SGCZ: variants seen among roughly 807,000 people sequenced by gnomAD.
SGCZ encodes the protein sarcoglycan zeta.
SGCZ carries 40 observed loss-of-function variants against 41.3 expected under a neutral mutation model. That is an observed-to-expected ratio of 0.97 (90% CI 0.75 to 1.26). SGCZ has a LOEUF of 1.26. Among genes scored for constraint, SGCZ ranks in the 50% most tolerant of loss-of-function variants. The pLI is 0.00. For missense variants in SGCZ, 552 were observed against 369.8 expected (o/e 1.49, Z -4.04); for synonymous variants, 206 against 137.5 (o/e 1.50, Z -3.49).
At chr8:14,505,021 AATTT>A (rs954503923) in intron 2 of SGCZ, among the ~76,000 whole-genome samples, 21 of 152,120 alleles carry the variant, frequency 1.4e-4, no homozygotes, top group Admixed American at 3.3e-4. Context: ...CTAGATATAA[AATTT>A]ATTAAATTAT....
At chr8:15,069,974 AAAAG>A (rs1805292793) in intron 1 of SGCZ, among the ~76,000 whole-genome samples, 1 of 152,132 alleles carries the variant, frequency 6.6e-6, no homozygotes, top group Admixed American at 6.5e-5. Context: ...CTGCAAGAAA[AAAAG>A]AAAGATAAAG....
chr8:14,976,977 C>G (rs1005967889), intron 1 of SGCZ, among the ~76,000 whole-genome samples: 1 of 152,214 alleles, frequency 6.6e-6, no homozygotes, highest in Non-Finnish European at 1.5e-5. Flanking sequence ...GTTTCACTTT[C>G]TTTGTGAGAG....
chr8:15,236,015 G>C (rs1802107067), intron 1 of SGCZ, among the ~76,000 whole-genome samples: 2 of 152,158 alleles, frequency 1.3e-5, no homozygotes, highest in Admixed American at 1.3e-4. Context: ...GAAACTTCTA[G>C]CCCAGGCCAA....
intron 3 of SGCZ, among the ~76,000 whole-genome samples, 169 bp from the exon 4 acceptor site, chr8:14,237,848 C>A (rs1806825382): frequency 6.6e-6 from 1 of 152,112 alleles, no homozygotes; most frequent in Non-Finnish European, 1.5e-5. Flanking sequence ...AAACTGAGAG[C>A]CTCATAATAA....
intron 1 of SGCZ, among the ~76,000 whole-genome samples, chr8:14,663,633 T>C (rs895806865): frequency 1.3e-5 from 2 of 152,184 alleles, no homozygotes; most frequent in Non-Finnish European, 2.9e-5. Context: ...ACCTGGAACA[T>C]TGTATTTGCT....
intron 5 of SGCZ, among the ~76,000 whole-genome samples, 153 bp from the exon 6 acceptor site, chr8:14,108,388 C>T (rs1802273224): frequency 6.6e-6 from 1 of 152,164 alleles, no homozygotes; most frequent in Admixed American, 6.5e-5. Context: ...CTGATAAAGA[C>T]ATATCCGAGA....
chr8:14,510,458 G>T (rs147685882), intron 2 of SGCZ, among the ~76,000 whole-genome samples: 213 of 151,522 alleles, frequency 1.4e-3, no homozygotes, highest in African/African-American at 4.3e-3. Flanking sequence ...AAAAAACAAA[G>T]AAACTTTCTG....
intron 1 of SGCZ, among the ~76,000 whole-genome samples, chr8:15,129,154 T>G (rs1807809661): frequency 3.3e-5 from 5 of 152,182 alleles, no homozygotes; most frequent in Admixed American, 2.6e-4. Flanking sequence ...TATTTGACAC[T>G]GGTCAGTGAG....
At chr8:14,346,822 C>A (rs192222688) in intron 2 of SGCZ, among the ~76,000 whole-genome samples, 5 of 151,634 alleles carry the variant, frequency 3.3e-5, no homozygotes, top group South Asian at 2.1e-4. Context: ...TATTTGTGTG[C>A]GCGCATGTTT....
At chr8:14,994,575 A>T (rs1431657414) in intron 1 of SGCZ, among the ~76,000 whole-genome samples, 2 of 149,518 alleles carry the variant, frequency 1.3e-5, no homozygotes, top group Non-Finnish European at 3.0e-5. Flanking sequence ...CAAGAGCAAA[A>T]CTGTGCATCC....
chr8:15,130,909 T>C (rs1807873034), intron 1 of SGCZ, among the ~76,000 whole-genome samples: 1 of 152,126 alleles, frequency 6.6e-6, no homozygotes, highest in Non-Finnish European at 1.5e-5. Flanking sequence ...TCCCCATCCA[T>C]TTTATATTAT....
intron 2 of SGCZ, among the ~76,000 whole-genome samples, chr8:14,469,733 G>A (rs1051397385): frequency 1.3e-5 from 2 of 151,836 alleles, no homozygotes; most frequent in Admixed American, 6.6e-5. Flanking sequence ...TTAAGTTAAC[G>A]GCCAATGGCT....
chr8:14,389,563 C>T lies in SGCZ; in HGVS notation c.235-65359G>A, dbSNP rs961553973. 2.0e-5 allele frequency among the ~76,000 whole-genome samples: 3 copies of T among 150,830 alleles called. No individual in the cohort carries two copies. The South Asian group carries it at 6.2e-4, about 31-fold the overall frequency. ...GCCTAAAACAACGGAATGTATCAAA[C>T]CTGAAACTCTAATCAGGGTGAAAAA... On this transcript the variant is annotated intron_variant, in intron 2 of 7. Transcript: ENST00000382080.
chr8:14,554,847 C>G lies in SGCZ; in HGVS notation c.119G>C (p.Gly40Ala). 3 of 1,613,088 alleles carry G rather than the reference C, an allele frequency of 1.9e-6. No individual in the cohort carries two copies. Among genetic ancestry groups the G allele is most frequent in the Non-Finnish European group, 2.5e-6 (3 of 1,179,536 alleles). Residue 40 changes from glycine (G) to alanine (A), a missense_variant, in exon 2 of 8, where the codon GGA becomes GCA. By Grantham distance (60) the Gly-to-Ala change is moderately conservative. Coordinates refer to ENST00000382080, the MANE Select transcript of SGCZ (RefSeq NM_139167.4). ...GCACCTCTTTCGCCATCCATAAATT[C>G]CCACTGGGTAAAGTTGTGCATTCTC... ...RTENAQLYPV[G>A]IYGWRKRCLY...
chr8:14,376,122 G>C (rs1446010961), intron 2 of SGCZ, among the ~76,000 whole-genome samples: 2 of 152,092 alleles, frequency 1.3e-5, no homozygotes, highest in African/African-American at 2.4e-5. Context: ...GACCAGACTG[G>C]CCAAGATGGT....
intron 4 of SGCZ, among the ~76,000 whole-genome samples, chr8:14,202,549 C>T (rs1805489424): frequency 6.6e-6 from 1 of 151,960 alleles, no homozygotes; most frequent in African/African-American, 2.4e-5. Flanking sequence ...TAATACCCTA[C>T]ATTGACAAAA....
intron 1 of SGCZ, among the ~76,000 whole-genome samples, chr8:14,906,684 T>G (rs1799128122): frequency 6.6e-6 from 1 of 152,166 alleles, no homozygotes; most frequent in African/African-American, 2.4e-5. Context: ...AACTAGGATT[T>G]ACAAGAATGA....
At chr8:14,459,618 C>T (rs938427052) in intron 2 of SGCZ, among the ~76,000 whole-genome samples, 10 of 151,994 alleles carry the variant, frequency 6.6e-5, no homozygotes, top group African/African-American at 2.4e-4. Flanking sequence ...ATTAATTATA[C>T]AAGGACAAAA....
intron 3 of SGCZ, among the ~76,000 whole-genome samples, chr8:14,239,442 C>T (rs1411978977): frequency 6.6e-6 from 1 of 152,050 alleles, no homozygotes; most frequent in Non-Finnish European, 1.5e-5. Context: ...AAATTATGTT[C>T]ACTTTCTCTC....
Sources: allele counts gnomAD v4.1 joint callset (sites outside exome capture counted in the v4.1 genomes callset), GRCh38; gene constraint gnomAD v4.1.1; transcripts MANE v1.5; gene names NCBI Gene and HGNC (gene_info 2026-07-23, HGNC 2026-07-21).